The following AP2A2 variants were observed in gnomAD, a reference collection of about 807,000 sequenced individuals.
AP2A2 encodes AP-2 complex subunit alpha-2.
AP2A2 carries 32 observed loss-of-function variants against 104.2 expected under a neutral mutation model. The observed-to-expected ratio is 0.31, with a 90% CI of 0.23 to 0.41. The LOEUF is 0.41. Ranked by LOEUF, AP2A2 falls within the 10% of genes least tolerant of loss-of-function variation. The pLI is 1.00. For missense variants in AP2A2, 912 were observed against 1,261.0 expected, an observed-to-expected ratio of 0.72 and a Z score of 4.19; for synonymous variants, 539 against 533.3, an observed-to-expected ratio of 1.01 and a Z score of -0.15.
In AP2A2 at chr11:968,386, T is replaced by C. The variant is rs763981510; in HGVS notation, c.137-1783T>C. Among the ~76,000 whole-genome samples, 3 of 152,098 alleles carry C rather than the reference T, an allele frequency of 2.0e-5. No homozygotes were observed. Among genetic ancestry groups the C allele is most frequent in the Non-Finnish European group, 4.4e-5 (3 of 68,014 alleles). The stretch of plus-strand genomic sequence containing the variant: ...TCTGGGGTCCCGCGGGAGCAGAGGC[T>C]GGTCGGCTCCTCTCGGAGAGAGCCT... On this transcript the variant is annotated intron_variant, in intron 2 of 21. Transcript: ENST00000448903. This position sits in a 1 kb window ranked among gnomAD's most constrained non-coding sequence, Gnocchi z 4.2.
intron 17 of AP2A2, chr11:1,007,135 T>G (rs145543920): frequency 1.6e-3 from 241 of 155,420 alleles, no homozygotes; most frequent in African/African-American, 5.2e-3. Flanking sequence ...CGTCTCTACC[T>G]CTAAGGATAG....
intron 17 of AP2A2, 42 bp downstream of exon 17, chr11:1,006,659 T>G: frequency 6.7e-7 from 1 of 1,494,096 alleles, no homozygotes; most frequent in Non-Finnish European, 9.2e-7. Context: ...GACAGCATAA[T>G]GTGGGGCTTA....
intron 1 of AP2A2, among the ~76,000 whole-genome samples, chr11:951,836 G>T (rs990665870): frequency 2.0e-5 from 3 of 152,118 alleles, no homozygotes; most frequent in African/African-American, 7.2e-5. Flanking sequence ...TCTTGGGCTT[G>T]GTCAATTTTG....
chr11:936,734 G>A (rs1269567224), intron 1 of AP2A2, among the ~76,000 whole-genome samples: 1 of 152,110 alleles, frequency 6.6e-6, no homozygotes, highest in East Asian at 1.9e-4. Flanking sequence ...CCTTCTTAGA[G>A]CAGAATATTT....
chr11:930,265 G>A (rs1295623542), intron 1 of AP2A2, among the ~76,000 whole-genome samples: 3 of 152,072 alleles, frequency 2.0e-5, no homozygotes, highest in African/African-American at 7.2e-5. Flanking sequence ...CTTAGCATAG[G>A]CAGCAATGAA....
At chr11:977,883 C>T (rs1388480255) in intron 5 of AP2A2, among the ~76,000 whole-genome samples, 2 of 152,120 alleles carry the variant, frequency 1.3e-5, no homozygotes, top group Admixed American at 1.3e-4. Context: ...GTCACGCGTT[C>T]ACAAGGATCC....
rs1337878449 is a variant in AP2A2, at chr11:992,039, C to T, written c.1270-464C>T. On this transcript the variant is annotated intron_variant, in intron 10 of 21. Coordinates refer to ENST00000448903, the MANE Select transcript of AP2A2 (RefSeq NM_012305.4). The surrounding 1 kb of genome is among the most constrained non-coding windows in gnomAD (Gnocchi z 6.4). ...AGAAGGGGAACCCCCAGGTGAGGCT[C>T]GCAGGAAAGACTGGCCAGAGCCGGA... Among the ~76,000 whole-genome samples the T allele has an allele frequency of 6.6e-6, 1 of 152,020 alleles. No individual in the cohort carries two copies. Among genetic ancestry groups the T allele is most frequent in the Non-Finnish European group, 1.5e-5 (1 of 68,006 alleles).
At position 925,913 on chromosome 11, in the gene AP2A2, TCCCCGGCGG is replaced by T; in HGVS notation, c.-107_-99del. On this transcript the variant is annotated 5_prime_UTR_variant, in exon 1 of 22. Coordinates refer to ENST00000448903, the MANE Select transcript of AP2A2 (RefSeq NM_012305.4). ...CCTGAGGCGGCCGTGGTTAGGCGGC[TCCCCGGCGG>T]CTCCTCCGCGGCGGTGACGGCGACC... 1 of 828,880 alleles carries T rather than the reference TCCCCGGCGG, an allele frequency of 1.2e-6. No homozygotes were observed. Among genetic ancestry groups the T allele is most frequent in the Non-Finnish European group, 1.7e-6 (1 of 603,912 alleles). The allele number at this position is 828,880 out of a possible 1,614,324, so 51.3% of individuals were successfully genotyped here.
At chr11:937,804 G>A (rs115357793) in intron 1 of AP2A2, among the ~76,000 whole-genome samples, 4,353 of 152,218 alleles carry the variant, frequency 0.029, 214 homozygotes, top group African/African-American at 0.097. Flanking sequence ...TCAAAAAATC[G>A]TTCAGCTTCA....
chr11:1,001,051 C>T (rs1856014815), intron 15 of AP2A2, among the ~76,000 whole-genome samples: 1 of 152,244 alleles, frequency 6.6e-6, no homozygotes, highest in Non-Finnish European at 1.5e-5. Flanking sequence ...TTGAGTTGCT[C>T]ACTTGCTAAG....
rs953169829 is a variant in AP2A2 at position 1,007,953 on chromosome 11, C to T, written c.2297-59C>T. 3.7e-5 allele frequency: 57 copies of T among 1,550,022 alleles called. 1 individual carries two copies. Among genetic ancestry groups the T allele is most frequent in the Admixed American group, 2.9e-4 (15 of 50,974 alleles). ...CACGGGTCCTGCTGGGGCTCTAGCCCGGCCCGTTTCCGCTTCTGCCACTGG... is the reference window on the plus strand; with the variant it reads ...CACGGGTCCTGCTGGGGCTCTAGCCTGGCCCGTTTCCGCTTCTGCCACTGG... On this transcript the variant is annotated intron_variant, in intron 17 of 21. Transcript: ENST00000448903.
chr11:937,059 C>T (rs1006253921), intron 1 of AP2A2, among the ~76,000 whole-genome samples: 2 of 151,712 alleles, frequency 1.3e-5, no homozygotes, highest in Admixed American at 6.6e-5. Context: ...GAGTCTCTGT[C>T]GCCCAGGCTG....
At chr11:965,374 G>T (rs1044236998) in intron 2 of AP2A2, among the ~76,000 whole-genome samples, 6 of 152,214 alleles carry the variant, frequency 3.9e-5, no homozygotes, top group Non-Finnish European at 5.9e-5. Context: ...AGTTTCTTCA[G>T]TAGTGCAGTG....
At chr11:942,532 C>T (rs1412569231) in intron 1 of AP2A2, 1 of 152,182 alleles carries the variant, frequency 6.6e-6, no homozygotes, top group Non-Finnish European at 1.5e-5. Flanking sequence ...GGAAATTTAT[C>T]TCAGTAGTTT....
intron 1 of AP2A2, among the ~76,000 whole-genome samples, chr11:949,791 A>AC (rs1314465258): frequency 2.0e-5 from 3 of 151,760 alleles, no homozygotes; most frequent in African/African-American, 4.8e-5. Flanking sequence ...GAAAAAAAAA[A>AC]AAACAGGTTT....
At chr11:1,002,734 A>G (rs1342032520) in intron 15 of AP2A2, among the ~76,000 whole-genome samples, 1 of 152,196 alleles carries the variant, frequency 6.6e-6, no homozygotes, top group Admixed American at 6.5e-5. Context: ...CAGCACTCAG[A>G]CCTTCCAGGG....
At chr11:975,097 T>C (rs1698292150) in intron 4 of AP2A2, among the ~76,000 whole-genome samples, 1 of 152,174 alleles carries the variant, frequency 6.6e-6, no homozygotes, top group Non-Finnish European at 1.5e-5. Context: ...GTCAGGTCAT[T>C]CCTAGGGCCA....
At chr11:984,220 C>T (rs537832166) in intron 6 of AP2A2, among the ~76,000 whole-genome samples, 11 of 152,176 alleles carry the variant, frequency 7.2e-5, no homozygotes, top group East Asian at 5.8e-4. Flanking sequence ...TCCCTGCCTC[C>T]GTGAGCTCAC....
chr11:1,003,536 G>GCTCACCGTCCTC, intron 15 of AP2A2, 186 bp from the exon 16 acceptor site: 2 of 504,842 alleles, frequency 4.0e-6, no homozygotes, highest in Non-Finnish European at 3.5e-6. Flanking sequence ...CCTGCGTCCT[G>GCTCACCGTCCTC]CTCACCGTCC....
Sources: allele counts gnomAD v4.1 joint callset (sites outside exome capture counted in the v4.1 genomes callset), GRCh38; gene constraint gnomAD v4.1.1; non-coding constraint Gnocchi (gnomAD v3.1); transcripts MANE v1.5; gene names NCBI Gene and HGNC (gene_info 2026-07-23, HGNC 2026-07-21).